The following ANKFN1 variants were observed in gnomAD, a reference collection of about 807,000 sequenced individuals.
The protein encoded by ANKFN1 is ankyrin repeat and fibronectin type III domain containing 1.
A neutral mutation model predicts 108.7 loss-of-function variants in ANKFN1; 74 were observed. The observed-to-expected ratio is 0.68, with a 90% CI of 0.56 to 0.83. The LOEUF (loss-of-function observed/expected upper bound fraction) is 0.83, where lower values mean the gene tolerates loss of function less well. ANKFN1 is among the 40% of genes least tolerant of loss of function. ANKFN1 has a pLI of 0.00. For missense variants in ANKFN1, 1,505 were observed against 1,382.3 expected (o/e 1.09, Z -1.41); for synonymous variants, 547 against 516.2 (o/e 1.06, Z -0.81).
intron 8 of ANKFN1, among the ~76,000 whole-genome samples, chr17:56,430,310 A>AT (rs1413386990): frequency 4.6e-5 from 7 of 152,204 alleles, no homozygotes; most frequent in South Asian, 2.1e-4. Context: ...GGAATCTTTA[A>AT]TTTTTTAAAA....
chr17:56,322,219 G>A (rs188303880), intron 3 of ANKFN1, among the ~76,000 whole-genome samples: 2 of 151,994 alleles, frequency 1.3e-5, no homozygotes, highest in South Asian at 4.2e-4. Context: ...ATCATCATCC[G>A]CCATCATGTA....
At chr17:56,484,131 A>G (rs1867164) in intron 18 of ANKFN1, among the ~76,000 whole-genome samples, 80,228 of 152,066 alleles carry the variant, frequency 0.53, 24,759 homozygotes, top group East Asian at 0.87. Context: ...AAACATGAGA[A>G]CAGAAGAATT....
At chr17:56,268,110 C>T (rs893011285) in intron 3 of ANKFN1, among the ~76,000 whole-genome samples, 5 of 151,870 alleles carry the variant, frequency 3.3e-5, no homozygotes, top group Admixed American at 6.6e-5. Flanking sequence ...GAATACTCCA[C>T]CCAATAACAA....
chr17:56,239,884 A>G (rs1917452368), intron 3 of ANKFN1, among the ~76,000 whole-genome samples: 1 of 152,162 alleles, frequency 6.6e-6, no homozygotes, highest in African/African-American at 2.4e-5. Context: ...GGTCAGAGGA[A>G]CATCCAGGAC....
rs1378989526 is a variant in ANKFN1, at chr17:56,049,674, G to T, written c.288+3349G>T. 2.0e-5 allele frequency among the ~76,000 whole-genome samples: 3 copies of T among 150,124 alleles called. No homozygotes were observed. In the East Asian group the frequency reaches 5.8e-4, roughly 29 times the overall value. Reference sequence around the variant, plus strand: ...TTTTGTTCTTGCGATAGTTTACCGAGAATGATGATTTCCAATTTCATCCAT... The same window carrying T: ...TTTTGTTCTTGCGATAGTTTACCGATAATGATGATTTCCAATTTCATCCAT... On this transcript the variant is annotated intron_variant, in intron 4 of 12. Coordinates refer to the ANKFN1 transcript ENST00000635860.
intron 10 of ANKFN1, 152 bp downstream of exon 10, chr17:56,443,085 C>T: frequency 1.0e-5 from 7 of 670,814 alleles, no homozygotes; most frequent in Middle Eastern, 7.2e-4. Context: ...AATGATTCCC[C>T]TGCAGAAATG....
intron 3 of ANKFN1, among the ~76,000 whole-genome samples, chr17:56,247,372 A>T (rs1918035823): frequency 6.6e-6 from 1 of 152,204 alleles, no homozygotes; most frequent in African/African-American, 2.4e-5. Flanking sequence ...CATGTATTGG[A>T]AGTAAGACAC....
intron 4 of ANKFN1, among the ~76,000 whole-genome samples, chr17:56,117,986 T>A (rs1352126797): frequency 6.6e-6 from 1 of 152,156 alleles, no homozygotes; most frequent in Non-Finnish European, 1.5e-5. Flanking sequence ...TCATACAAAA[T>A]GTTGTCTTTT....
At chr17:56,458,564 A>G (rs1356412550) in intron 14 of ANKFN1, among the ~76,000 whole-genome samples, 3 of 152,182 alleles carry the variant, frequency 2.0e-5, no homozygotes, top group Non-Finnish European at 4.4e-5. Flanking sequence ...GTCACATCAG[A>G]TCAAGTCCCC....
intron 8 of ANKFN1, among the ~76,000 whole-genome samples, chr17:56,421,761 C>T (rs975999553): frequency 6.6e-6 from 1 of 152,094 alleles, no homozygotes; most frequent in Non-Finnish European, 1.5e-5. Context: ...TGTCATTTAA[C>T]GACCCAATCA....
intron 8 of ANKFN1, among the ~76,000 whole-genome samples, chr17:56,399,838 A>AT (rs1202481823): frequency 2.3e-5 from 1 of 42,646 alleles, no homozygotes; most frequent in African/African-American, 9.8e-5. Flanking sequence ...GTAGTATTCC[A>AT]TTTTTTATAT....
At chr17:56,358,237 GC>G (rs1484833066) in intron 6 of ANKFN1, among the ~76,000 whole-genome samples, 1 of 152,042 alleles carries the variant, frequency 6.6e-6, no homozygotes, top group Non-Finnish European at 1.5e-5. Context: ...TTTTCACTAT[GC>G]CAACCAAGTA....
intron 8 of ANKFN1, among the ~76,000 whole-genome samples, chr17:56,433,072 T>C (rs1280720319): frequency 6.6e-6 from 1 of 152,198 alleles, no homozygotes; most frequent in Non-Finnish European, 1.5e-5. Flanking sequence ...TATAAGTCTA[T>C]TGTAAATTTT....
chr17:56,418,617 A>G (rs1046684597), intron 8 of ANKFN1, among the ~76,000 whole-genome samples: 3 of 152,106 alleles, frequency 2.0e-5, no homozygotes, highest in African/African-American at 7.2e-5. Context: ...GAATTTAATA[A>G]TAAAATTAAA....
intron 3 of ANKFN1, among the ~76,000 whole-genome samples, chr17:56,324,444 C>G (rs9907081): frequency 0.032 from 4,834 of 152,198 alleles, 97 homozygotes; most frequent in Non-Finnish European, 0.044. Context: ...ATCAGTGGCA[C>G]TCTCCCCTTA....
At chr17:56,218,179 C>A (rs1915565865) in intron 2 of ANKFN1, among the ~76,000 whole-genome samples, 1 of 151,126 alleles carries the variant, frequency 6.6e-6, no homozygotes, top group East Asian at 1.9e-4. Context: ...TTCTCCTTAG[C>A]CCCTTCTCTC....
intron 2 of ANKFN1, among the ~76,000 whole-genome samples, chr17:56,216,015 A>G (rs988425057): frequency 2.6e-5 from 4 of 152,210 alleles, no homozygotes; most frequent in Admixed American, 2.6e-4. Context: ...TCCGATTCAT[A>G]AGGAATTCAA....
intron 1 of ANKFN1, among the ~76,000 whole-genome samples, chr17:56,205,072 G>A (rs929980278): frequency 1.3e-5 from 2 of 149,508 alleles, no homozygotes; most frequent in East Asian, 2.0e-4. Context: ...GCGGGACTCC[G>A]TCTCAAAAAC....
At chr17:56,073,149 C>T (rs1462461330) in intron 4 of ANKFN1, among the ~76,000 whole-genome samples, 1 of 151,744 alleles carries the variant, frequency 6.6e-6, no homozygotes, top group African/African-American at 2.4e-5. Context: ...CCCGCCACTA[C>T]GTCTGGCTAA....
Sources: allele counts gnomAD v4.1 joint callset (sites outside exome capture counted in the v4.1 genomes callset), GRCh38; gene constraint gnomAD v4.1.1; transcripts MANE v1.5; gene names NCBI Gene and HGNC (gene_info 2026-07-23, HGNC 2026-07-21).